The following TLN2 variants were observed in gnomAD, a reference collection of about 807,000 sequenced individuals.
TLN2 encodes the protein talin-2.
TLN2 carries 118 observed loss-of-function variants against 294.7 expected under a neutral mutation model. The ratio of observed to expected loss-of-function variants is 0.40; its 90% CI spans 0.34 to 0.47. The LOEUF is 0.47. TLN2 is among the 20% of genes least tolerant of loss of function. TLN2 has a pLI of 0.84. For missense variants in TLN2, 3,083 were observed against 3,282.2 expected, an observed-to-expected ratio of 0.94 and a Z score of 1.48; for synonymous variants, 1,431 against 1,304.5, an observed-to-expected ratio of 1.10 and a Z score of -2.09.
chr15:62,391,995 G>A (rs2032133436), intron 1 of TLN2, among the ~76,000 whole-genome samples: 1 of 152,280 alleles, frequency 6.6e-6, no homozygotes, highest in Non-Finnish European at 1.5e-5. Flanking sequence ...CTTCCTGGGG[G>A]AGAGGAGGCG....
At chr15:62,609,940 A>T (rs1015055034) in intron 2 of TLN2, among the ~76,000 whole-genome samples, 1 of 152,256 alleles carries the variant, frequency 6.6e-6, no homozygotes, top group Admixed American at 6.5e-5. Context: ...TTCTGGATTT[A>T]GCCAGTAGGC....
At chr15:62,511,455 A>G (rs965460370) in intron 1 of TLN2, among the ~76,000 whole-genome samples, 1 of 152,190 alleles carries the variant, frequency 6.6e-6, no homozygotes, top group Admixed American at 6.5e-5. Context: ...TCTATCCCAT[A>G]GTGCATTTTA....
intron 1 of TLN2, among the ~76,000 whole-genome samples, chr15:62,537,137 G>A (rs751216131): frequency 2.3e-4 from 35 of 151,676 alleles, no homozygotes; most frequent in Non-Finnish European, 5.0e-4. Context: ...CCCTGCCTCA[G>A]CCTCCCGAGT....
At chr15:62,692,675 G>A (rs11630525) in intron 12 of TLN2, among the ~76,000 whole-genome samples, 165 bp from the exon 13 acceptor site, 127,112 of 152,154 alleles carry the variant, frequency 0.84, 55,996 homozygotes, top group Non-Finnish European at 0.97. Flanking sequence ...CTCTTTTACC[G>A]TTGTTGAATA....
intron 1 of TLN2, among the ~76,000 whole-genome samples, chr15:62,428,968 T>C (rs2034862931): frequency 6.6e-6 from 1 of 152,122 alleles, no homozygotes. Flanking sequence ...GACTCAGAGC[T>C]TCTGGAGTGG....
At chr15:62,800,973 A>G (rs1762852259) in intron 50 of TLN2, among the ~76,000 whole-genome samples, 2 of 152,228 alleles carry the variant, frequency 1.3e-5, no homozygotes, top group African/African-American at 4.8e-5. Context: ...AAGTGTAATC[A>G]AGGAGTTAAT....
Position 62,762,285 on chromosome 15 carries a change from A to T in TLN2, c.4793A>T (p.Gln1598Leu). ...GTTTGGTCTCAGGGTTCCCAGGCAC[A>T]GGAACCAATCCTGGTCTCAGCCAAG... is the stretch of plus-strand genomic sequence containing the variant. ...AQISSEGSQA[Q>L]EPILVSAKTM... is the part of the protein sequence containing the mutation. The change falls in exon 39 of 59, where the codon CAG becomes CTG. Residue 1598 changes from glutamine (Q) to leucine (L), a missense_variant. Transcript: ENST00000636159. 8.7e-6 allele frequency: 14 copies of T among 1,614,188 alleles called. No individual in the cohort carries two copies. Among genetic ancestry groups the T allele is most frequent in the Non-Finnish European group, 1.1e-5 (13 of 1,180,024 alleles).
At chr15:62,811,336 A>G (rs898656219) in intron 52 of TLN2, among the ~76,000 whole-genome samples, 2 of 152,360 alleles carry the variant, frequency 1.3e-5, no homozygotes, top group East Asian at 3.9e-4. Flanking sequence ...CATCTTAGCC[A>G]GTCAGCATTC....
chr15:62,653,019 G>GC lies in TLN2; in HGVS notation c.365-141dup, dbSNP rs2052775198. On this transcript the variant is annotated intron_variant, in intron 6 of 58. Coordinates refer to ENST00000636159, the MANE Select transcript of TLN2 (RefSeq NM_015059.3). ...AAGCTTCTTCATTTAATTTGATGTG[G>GC]CCACCTCCCTGACCCTCATATTTGT... 5.8e-6 allele frequency: 3 copies of GC among 518,348 alleles called. No individual in the cohort carries two copies. The Admixed American group carries it at 1.2e-4, about 20-fold the overall frequency. The allele number at this position is 518,348 out of a possible 1,614,324, so 32.1% of individuals were successfully genotyped here.
Position 62,836,172 on chromosome 15 carries a change from C to T in TLN2, c.7374+99C>T, listed in dbSNP as rs529172910. ...ACTTCCTTGGCATGACCCACCAGGC[C>T]TTCCATCAGCCAGCCCTGTCCACGT... is the stretch of plus-strand genomic sequence containing the variant. On this transcript the variant is annotated intron_variant, in intron 57 of 58. Coordinates refer to ENST00000636159, the MANE Select transcript of TLN2 (RefSeq NM_015059.3). 7.9e-5 allele frequency: 117 copies of T among 1,488,574 alleles called. No homozygotes were observed. The African/African-American group carries it at 1.5e-3, about 19-fold the overall frequency. 92.2% of individuals were successfully genotyped at this position (1,488,574 alleles called of 1,614,324 possible).
At chr15:62,774,161 G>C (rs1454136576) in intron 42 of TLN2, among the ~76,000 whole-genome samples, 2 of 152,104 alleles carry the variant, frequency 1.3e-5, no homozygotes, top group African/African-American at 2.4e-5. Flanking sequence ...GTTGAAATCT[G>C]CTCCCCTGTG....
chr15:62,744,838 G>T (rs958152061), intron 32 of TLN2, among the ~76,000 whole-genome samples: 1 of 152,152 alleles, frequency 6.6e-6, no homozygotes, highest in Admixed American at 6.5e-5. Context: ...GAGTCACCGC[G>T]CCTGGCCTAG....
chr15:62,544,615 G>A (rs766063990), intron 1 of TLN2, among the ~76,000 whole-genome samples: 3 of 152,172 alleles, frequency 2.0e-5, no homozygotes, highest in South Asian at 2.1e-4. Flanking sequence ...CCTGGAGACC[G>A]CTTCTGGCTT....
At position 62,841,084 on chromosome 15, in the gene TLN2, C is replaced by G. The variant is rs2070636221; in HGVS notation, c.*474C>G. 6.5e-6 allele frequency: 1 copy of G among 153,318 alleles called. No homozygotes were observed. The highest frequency in any genetic ancestry group is 2.4e-5 in the African/African-American group (1 of 41,460). The allele number at this position is 153,318 out of a possible 1,614,324, so 9.5% of individuals were successfully genotyped here. A position where few individuals can be genotyped will look rare whatever the true frequency, so the allele number is the denominator to read the frequency against. ...GGTTCATAAAAGCCAGAAACACAAA[C>G]CCGTGTGGACTCCGGGAGGGTGACT... On this transcript the variant is annotated 3_prime_UTR_variant, in exon 59 of 59. Coordinates refer to ENST00000636159, the MANE Select transcript of TLN2 (RefSeq NM_015059.3).
chr15:62,722,922 C>T (rs1293081204), intron 26 of TLN2, among the ~76,000 whole-genome samples: 1 of 152,184 alleles, frequency 6.6e-6, no homozygotes, highest in Non-Finnish European at 1.5e-5. Flanking sequence ...TTTGAAGTGT[C>T]ATCTTTATTA....
intron 54 of TLN2, 72 bp from the exon 55 acceptor site, chr15:62,833,432 A>C (rs1327779607): frequency 6.4e-7 from 1 of 1,574,748 alleles, no homozygotes; most frequent in Non-Finnish European, 8.7e-7. Context: ...GTGACCCGGC[A>C]GTAAGTAGTT....
intron 1 of TLN2, among the ~76,000 whole-genome samples, chr15:62,397,093 CA>C (rs1370196878): frequency 6.6e-6 from 1 of 152,138 alleles, no homozygotes; most frequent in East Asian, 1.9e-4. Context: ...TGTTTGAATC[CA>C]AGTCTCTTTC....
intron 1 of TLN2, among the ~76,000 whole-genome samples, chr15:62,527,803 TA>T (rs1264552157): frequency 3.2e-4 from 49 of 152,302 alleles, no homozygotes; most frequent in South Asian, 6.2e-4. Context: ...ATGATAAAAG[TA>T]CAAGATGACC....
intron 11 of TLN2, among the ~76,000 whole-genome samples, chr15:62,682,176 A>T (rs889456939): frequency 6.6e-6 from 1 of 152,260 alleles, no homozygotes; most frequent in Non-Finnish European, 1.5e-5. Flanking sequence ...TTGCCCCTGT[A>T]GTATGAAAGC....
Sources: gnomAD v4.1 joint callset for allele counts (sites outside exome capture counted in the v4.1 genomes callset) on GRCh38, gnomAD v4.1.1 for gene constraint, MANE v1.5 for transcripts, NCBI Gene and HGNC (gene_info 2026-07-23, HGNC 2026-07-21) for gene names.